Variants in CAMKMT observed in about 807,000 individuals in gnomAD.
CAMKMT encodes calmodulin-lysine N-methyltransferase.
A neutral mutation model predicts 48.0 loss-of-function variants in CAMKMT; 53 were observed. The ratio of observed to expected loss-of-function variants is 1.10; its 90% CI spans 0.89 to 1.39. The LOEUF (loss-of-function observed/expected upper bound fraction) is 1.39. CAMKMT is among the 40% of genes most tolerant of loss of function. The pLI is 0.00. For missense variants in CAMKMT, 428 were observed against 402.7 expected (o/e 1.06, Z -0.54); for synonymous variants, 165 against 152.3 (o/e 1.08, Z -0.61).
chr2:44,771,332 A>T lies in CAMKMT; in HGVS notation c.895-704A>T, dbSNP rs1681101299. On this transcript the variant is annotated intron_variant, in intron 10 of 10. Coordinates refer to ENST00000378494, the MANE Select transcript of CAMKMT (RefSeq NM_024766.5). ...AAATAGCAAATTTTTATTTGCTAGA[A>T]TAAATATAAATATAACTTTAAAACT... is the stretch of plus-strand genomic sequence containing the variant. 2.6e-5 allele frequency among the ~76,000 whole-genome samples: 4 copies of T among 152,360 alleles called. No homozygotes were observed. The South Asian group carries it at 8.3e-4, about 32-fold the overall frequency.
intron 3 of CAMKMT, among the ~76,000 whole-genome samples, chr2:44,692,854 C>G (rs1435940232): frequency 6.6e-6 from 1 of 152,126 alleles, no homozygotes; most frequent in African/African-American, 2.4e-5. Flanking sequence ...GTGGCAGAGC[C>G]AGAATCAGAC....
At chr2:44,374,749 G>A (rs1267887666) in intron 2 of CAMKMT, among the ~76,000 whole-genome samples, 1 of 152,150 alleles carries the variant, frequency 6.6e-6, no homozygotes, top group Non-Finnish European at 1.5e-5. Flanking sequence ...AAGAATAAAT[G>A]TATATCTATA....
chr2:44,532,171 G>T (rs1189041827), intron 3 of CAMKMT, among the ~76,000 whole-genome samples: 1 of 152,148 alleles, frequency 6.6e-6, no homozygotes, highest in East Asian at 1.9e-4. Context: ...TACTTACAAT[G>T]TAGAGAGAGG....
In CAMKMT at chr2:44,367,934, A is replaced by G. The variant is rs186474622; in HGVS notation, c.139-4782A>G. Among the ~76,000 whole-genome samples the G allele has an allele frequency of 3.1e-4, 47 of 152,298 alleles. No homozygotes were observed. In the East Asian group the frequency reaches 5.6e-3, roughly 18 times the overall value. Reference sequence around the variant, plus strand: ...ACTCCTCTACCCATCTGGTCTTCATAAGTGTTTCTGTATAGTTATGATCAG... The same window carrying G: ...ACTCCTCTACCCATCTGGTCTTCATGAGTGTTTCTGTATAGTTATGATCAG... On this transcript the variant is annotated intron_variant, in intron 1 of 10. Coordinates refer to ENST00000378494, the MANE Select transcript of CAMKMT (RefSeq NM_024766.5).
chr2:44,381,933 T>C (rs1246364134), intron 2 of CAMKMT, among the ~76,000 whole-genome samples: 1 of 145,124 alleles, frequency 6.9e-6, no homozygotes, highest in Non-Finnish European at 1.5e-5. Context: ...AATAGTTTTA[T>C]CTTACACTTT....
intron 6 of CAMKMT, among the ~76,000 whole-genome samples, chr2:44,712,230 C>G (rs1051911643): frequency 6.6e-6 from 1 of 151,666 alleles, no homozygotes; most frequent in African/African-American, 2.4e-5. Context: ...GTTTCCTACC[C>G]TCATTTTTGG....
intron 3 of CAMKMT, among the ~76,000 whole-genome samples, chr2:44,431,634 C>G (rs952394668): frequency 6.6e-6 from 1 of 152,112 alleles, no homozygotes; most frequent in Non-Finnish European, 1.5e-5. Flanking sequence ...CCTAGGTATT[C>G]CCAGTGCAAT....
intron 2 of CAMKMT, 82 bp from the exon 3 acceptor site, chr2:44,390,159 A>ACAGTCT: frequency 2.1e-6 from 2 of 970,208 alleles, no homozygotes; most frequent in Non-Finnish European, 1.6e-6. Flanking sequence ...ACCATAATAT[A>ACAGTCT]CAGTCTCAGT....
At position 44,749,745 on chromosome 2, in the gene CAMKMT, A is replaced by G. The variant is rs373744601; in HGVS notation, c.699-4310A>G. On this transcript the variant is annotated intron_variant, in intron 8 of 10. Transcript: ENST00000378494. The stretch of plus-strand genomic sequence containing the variant: ...CCAGAGCTCTTTAAAACCCTGAACC[A>G]AGTTCCTCCCTTGTCTGAAGTACAG... Among the ~76,000 whole-genome samples the G allele has an allele frequency of 3.7e-4, 56 of 152,292 alleles. 1 individual carries two copies. Among genetic ancestry groups the G allele is most frequent in the Middle Eastern group, 3.4e-3 (1 of 294 alleles).
intron 3 of CAMKMT, among the ~76,000 whole-genome samples, chr2:44,570,980 A>C (rs1360441233): frequency 6.6e-6 from 1 of 152,170 alleles, no homozygotes; most frequent in Non-Finnish European, 1.5e-5. Context: ...GAAAAGTAAA[A>C]AGGAAAACCC....
chr2:44,608,219 C>T (rs181018374), intron 3 of CAMKMT, among the ~76,000 whole-genome samples: 13 of 151,844 alleles, frequency 8.6e-5, no homozygotes, highest in African/African-American at 2.9e-4. Flanking sequence ...ACTACAGGCA[C>T]CCACCACCGC....
At chr2:44,389,567 T>TC (rs1475460544) in intron 2 of CAMKMT, among the ~76,000 whole-genome samples, 4 of 152,122 alleles carry the variant, frequency 2.6e-5, no homozygotes, top group Non-Finnish European at 4.4e-5. Context: ...ATTTTTTTTT[T>TC]CCCCTGAGAA....
chr2:44,567,627 A>G (rs2103722159), intron 3 of CAMKMT, among the ~76,000 whole-genome samples: 1 of 152,302 alleles, frequency 6.6e-6, no homozygotes, highest in African/African-American at 2.4e-5. Flanking sequence ...GAAGCAAAAG[A>G]CTGCTATTAG....
chr2:44,395,853 A>G (rs1366791459), intron 3 of CAMKMT, among the ~76,000 whole-genome samples: 1 of 152,158 alleles, frequency 6.6e-6, no homozygotes, highest in Non-Finnish European at 1.5e-5. Context: ...CTGTTTTAAT[A>G]TCATACATTA....
At position 44,772,062 on chromosome 2, in the gene CAMKMT, T is replaced by C. The variant is rs762369073; in HGVS notation, c.921T>C (p.Tyr307=). 25 of 1,613,744 alleles carry C rather than the reference T, an allele frequency of 1.5e-5. No homozygotes were observed. Among genetic ancestry groups the C allele is most frequent in the Non-Finnish European group, 1.9e-5 (22 of 1,179,904 alleles). The change falls in exon 11 of 11, where the codon TAT becomes TAC. Residue 307 remains tyrosine, a synonymous_variant. Transcript: ENST00000378494. ...SKLKKENPDI[Y]EENLHYPLLL... Reference sequence around the variant, plus strand: ...TGAAAAAGGAAAACCCGGACATATATGAAGAAAACCTTCATTACCCGCTTC... The same window carrying C: ...TGAAAAAGGAAAACCCGGACATATACGAAGAAAACCTTCATTACCCGCTTC...
intron 3 of CAMKMT, among the ~76,000 whole-genome samples, chr2:44,485,920 T>C (rs763978807): frequency 1.2e-4 from 18 of 152,182 alleles, no homozygotes; most frequent in Non-Finnish European, 2.2e-4. Flanking sequence ...GCTACTAATA[T>C]TCCATTTCTT....
intron 3 of CAMKMT, among the ~76,000 whole-genome samples, chr2:44,650,930 A>G (rs1674024538): frequency 6.6e-6 from 1 of 152,230 alleles, no homozygotes; most frequent in South Asian, 2.1e-4. Flanking sequence ...AACAATTCAT[A>G]CAACTATTAA....
intron 3 of CAMKMT, among the ~76,000 whole-genome samples, chr2:44,678,242 T>A (rs144208273): frequency 2.5e-4 from 38 of 152,342 alleles, no homozygotes; most frequent in African/African-American, 8.7e-4. Context: ...CACTTCAGAT[T>A]AATTCTTTCC....
At chr2:44,381,877 T>C (rs1396245891) in intron 2 of CAMKMT, among the ~76,000 whole-genome samples, 1 of 152,130 alleles carries the variant, frequency 6.6e-6, no homozygotes, top group Non-Finnish European at 1.5e-5. Context: ...ATTGCTTTTA[T>C]ATTAAAACTT....
Sources: gnomAD v4.1 joint callset for allele counts (sites outside exome capture counted in the v4.1 genomes callset) on GRCh38, gnomAD v4.1.1 for gene constraint, MANE v1.5 for transcripts, NCBI Gene and HGNC (gene_info 2026-07-23, HGNC 2026-07-21) for gene names.